DNAH11: variants seen among roughly 807,000 people sequenced by gnomAD.
DNAH11 encodes axonemal beta dynein heavy chain 11.
DNAH11 carries 442 observed loss-of-function variants against 526.0 expected under a neutral mutation model. The ratio of observed to expected loss-of-function variants is 0.84; its 90% CI spans 0.78 to 0.91. The LOEUF is 0.91. Among genes scored for constraint, DNAH11 ranks in the 40% least tolerant of loss-of-function variants. DNAH11 has a pLI of 0.00. For missense variants in DNAH11, 6,989 were observed against 5,448.7 expected (o/e 1.28, Z -8.90); for synonymous variants, 2,461 against 1,935.9 (o/e 1.27, Z -7.12).
chr7:21,641,407 A>G (rs1175755376), intron 28 of DNAH11, among the ~76,000 whole-genome samples: 1 of 152,140 alleles, frequency 6.6e-6, no homozygotes, highest in Non-Finnish European at 1.5e-5. Context: ...GAGGTAGAGG[A>G]GGGTGGGGTA....
chr7:21,543,536 C>T lies in DNAH11; in HGVS notation c.291C>T (p.Thr97=), dbSNP rs959617971. The T allele has an allele frequency of 6.2e-7, 1 of 1,609,828 alleles. No individual in the cohort carries two copies. The highest frequency in any genetic ancestry group is 8.5e-7 in the Non-Finnish European group (1 of 1,178,110). The change falls in exon 1 of 82, where the codon ACC becomes ACT. Residue 97 remains threonine, a synonymous_variant. Coordinates refer to ENST00000409508, the MANE Select transcript of DNAH11 (RefSeq NM_001277115.2). The part of the protein sequence containing the change: ...RQVLGEFLES[T]SPACLVFSFA... ...TTCTTGGGGAGTTTCTGGAAAGCAC[C>T]AGCCCGGCTTGCCTTGTGTTTAGCT... is the stretch of plus-strand genomic sequence containing the variant.
Position 21,717,786 on chromosome 7 carries a change from G to C in DNAH11, c.6995G>C (p.Ser2332Thr). The change falls in exon 43 of 82, where the codon AGT becomes ACT. Residue 2332 changes from serine (S) to threonine (T), a missense_variant. By Grantham distance (58) the Ser-to-Thr change is moderately conservative. Coordinates refer to ENST00000409508, the MANE Select transcript of DNAH11 (RefSeq NM_001277115.2). ...QDLGWNPYVA[S>T]WIDRRRHQSE... ...GTGTTCCTTTTCAGGTATGTGGCCAGTTGGATAGACAGAAGGCGGCATCAA... is the reference window on the plus strand; with the variant it reads ...GTGTTCCTTTTCAGGTATGTGGCCACTTGGATAGACAGAAGGCGGCATCAA... 1.2e-6 allele frequency: 2 copies of C among 1,613,790 alleles called. No individual in the cohort carries two copies. Among genetic ancestry groups the C allele is most frequent in the African/African-American group, 1.3e-5 (1 of 75,036 alleles).
At chr7:21,607,707 A>T (rs567914670) in intron 20 of DNAH11, among the ~76,000 whole-genome samples, 1 of 152,086 alleles carries the variant, frequency 6.6e-6, no homozygotes, top group South Asian at 2.1e-4. Flanking sequence ...CGAGGTGGGC[A>T]TATCATGAGG....
intron 6 of DNAH11, among the ~76,000 whole-genome samples, chr7:21,567,058 C>A (rs899844249): frequency 6.6e-6 from 1 of 152,130 alleles, no homozygotes; most frequent in Non-Finnish European, 1.5e-5. Flanking sequence ...TCAAAGGGTA[C>A]AATCTTTTCA....
chr7:21,581,857 C>A, intron 8 of DNAH11, 48 bp from the exon 9 acceptor site: 1 of 1,204,726 alleles, frequency 8.3e-7, no homozygotes. Context: ...GCTATTTTCG[C>A]TGTTGGATTA....
rs1403534329 is a variant in DNAH11 at position 21,901,809 on chromosome 7, T to TTTAA, written c.*557_*560dup. The TTTAA allele has an allele frequency of 1.5e-3, 246 of 164,710 alleles. No individual in the cohort carries two copies. The highest frequency in any genetic ancestry group is 5.5e-3 in the African/African-American group (230 of 41,706). The allele number at this position is 164,710 out of a possible 1,614,324, so 10.2% of individuals were successfully genotyped here. A position where few individuals can be genotyped will look rare whatever the true frequency, so the allele number is the denominator to read the frequency against. On this transcript the variant is annotated 3_prime_UTR_variant, in exon 82 of 82. Transcript: ENST00000409508. ...ATGGTCCCCTTTTGTTCAGTCAAGTTTTAATAAAAATAAAACTGTTCTACA... is the reference window on the plus strand; with the variant it reads ...ATGGTCCCCTTTTGTTCAGTCAAGTTTTAATTAATAAAAATAAAACTGTTCTACA...
chr7:21,789,498 T>C (rs1788341865), intron 61 of DNAH11, among the ~76,000 whole-genome samples, 156 bp downstream of exon 61: 1 of 152,084 alleles, frequency 6.6e-6, no homozygotes, highest in Non-Finnish European at 1.5e-5. Context: ...ATTCAGTAGG[T>C]ATTTCTTATC....
At chr7:21,566,599 A>G (rs1271981128) in intron 6 of DNAH11, among the ~76,000 whole-genome samples, 1 of 89,748 alleles carries the variant, frequency 1.1e-5, no homozygotes, top group Non-Finnish European at 2.4e-5. Flanking sequence ...GCTTCATTTT[A>G]TAATGAAAAA....
intron 54 of DNAH11, among the ~76,000 whole-genome samples, chr7:21,760,801 C>T (rs1165355446): frequency 6.6e-6 from 1 of 152,166 alleles, no homozygotes; most frequent in Non-Finnish European, 1.5e-5. Flanking sequence ...GGTTAGCCAC[C>T]TTCCCACCAG....
At chr7:21,886,999 C>T (rs1035406267) in intron 76 of DNAH11, among the ~76,000 whole-genome samples, 14 of 152,162 alleles carry the variant, frequency 9.2e-5, no homozygotes, top group Non-Finnish European at 8.8e-5. Flanking sequence ...TTCTCATGCA[C>T]GTTTCTCCTG....
intron 74 of DNAH11, among the ~76,000 whole-genome samples, chr7:21,873,898 C>T (rs1049689016): frequency 1.5e-5 from 2 of 137,022 alleles, no homozygotes; most frequent in African/African-American, 5.4e-5. Context: ...TCAAGCAATT[C>T]TCCTGCCTCA....
At chr7:21,802,702 A>G (rs887288794) in intron 62 of DNAH11, among the ~76,000 whole-genome samples, 1 of 152,098 alleles carries the variant, frequency 6.6e-6, no homozygotes, top group Non-Finnish European at 1.5e-5. Flanking sequence ...GAAAGAAGCC[A>G]GACACAAAAG....
At chr7:21,684,571 G>A (rs1783290255) in intron 32 of DNAH11, among the ~76,000 whole-genome samples, 1 of 152,180 alleles carries the variant, frequency 6.6e-6, no homozygotes, top group Admixed American at 6.5e-5. Flanking sequence ...GAGAGCTTGA[G>A]CTGGGACCTA....
At chr7:21,794,250 C>T (rs546080492) in intron 61 of DNAH11, among the ~76,000 whole-genome samples, 18 of 152,220 alleles carry the variant, frequency 1.2e-4, no homozygotes, top group African/African-American at 3.1e-4. Flanking sequence ...GTTGGTCATT[C>T]GCTCCTTGCT....
Position 21,681,729 on chromosome 7 carries a change from T to G in DNAH11, c.5460+52T>G, listed in dbSNP as rs761211484. 3.7e-6 allele frequency: 6 copies of G among 1,604,398 alleles called. 1 individual carries two copies. In the South Asian group the frequency reaches 6.6e-5, roughly 18 times the overall value. On this transcript the variant is annotated intron_variant, in intron 31 of 81. Coordinates refer to ENST00000409508, the MANE Select transcript of DNAH11 (RefSeq NM_001277115.2). The stretch of plus-strand genomic sequence containing the variant: ...ATTCATTATTGTTTCCTGAAAGTGG[T>G]GTTTATTGCCAGAGTAGTTCCAAGA...
intron 26 of DNAH11, 88 bp from the exon 27 acceptor site, chr7:21,637,523 G>T: frequency 1.1e-6 from 1 of 930,512 alleles, no homozygotes; most frequent in Non-Finnish European, 1.7e-6. Context: ...TTCATTCTTT[G>T]TTCTTCATTT....
chr7:21,575,303 C>A (rs1303928476), intron 8 of DNAH11, among the ~76,000 whole-genome samples: 3 of 152,172 alleles, frequency 2.0e-5, no homozygotes, highest in African/African-American at 7.2e-5. Flanking sequence ...ATGGAGTGAT[C>A]CAGGTTGCTG....
At chr7:21,713,116 C>T (rs1180110628) in intron 42 of DNAH11, among the ~76,000 whole-genome samples, 1 of 152,214 alleles carries the variant, frequency 6.6e-6, no homozygotes, top group African/African-American at 2.4e-5. Flanking sequence ...ACATTTTCTA[C>T]AGTTCATCCT....
rs776095058 is a variant in DNAH11, at chr7:21,687,158, C to T, written c.5681C>T (p.Pro1894Leu). Residue 1894 changes from proline to leucine, a missense_variant, in exon 33 of 82, where the codon CCA (proline) becomes CTA (leucine). By Grantham distance (98) the Pro-to-Leu change is moderately conservative. Transcript: ENST00000409508. ...ACCATGAGTGGGGCTCCTGCTGGCC[C>T]AGCTGGTACCGGGAAAACAGAGACC... ...HLTMSGAPAG[P>L]AGTGKTETTK... The T allele has an allele frequency of 6.2e-7, 1 of 1,613,320 alleles. No individual in the cohort carries two copies. Among genetic ancestry groups the T allele is most frequent in the East Asian group, 2.2e-5 (1 of 44,854 alleles).
Sources: allele counts gnomAD v4.1 joint callset (sites outside exome capture counted in the v4.1 genomes callset), GRCh38; gene constraint gnomAD v4.1.1; transcripts MANE v1.5; gene names NCBI Gene and HGNC (gene_info 2026-07-23, HGNC 2026-07-21).